The following TENM3 variants were observed in gnomAD, a reference collection of about 807,000 sequenced individuals.
The protein encoded by TENM3 is teneurin-3.
TENM3 carries 63 observed loss-of-function variants against 255.1 expected under a neutral mutation model. The observed-to-expected ratio is 0.25, with a 90% CI of 0.20 to 0.30. The LOEUF (loss-of-function observed/expected upper bound fraction) is 0.30. Among genes scored for constraint, TENM3 ranks in the 10% least tolerant of loss-of-function variants. The pLI, the probability that TENM3 is intolerant of heterozygous loss-of-function variation, is 1.00. For missense variants in TENM3, 2,929 were observed against 3,461.1 expected, an observed-to-expected ratio of 0.85 and a Z score of 3.86; for synonymous variants, 1,306 against 1,322.3, an observed-to-expected ratio of 0.99 and a Z score of 0.27.
At chr4:182,315,975 G>T (rs988994653) in intron 1 of TENM3, among the ~76,000 whole-genome samples, 40 of 152,052 alleles carry the variant, frequency 2.6e-4, no homozygotes, top group African/African-American at 9.6e-4. Context: ...CTAATTTTTT[G>T]ATTGTATGGG....
At chr4:181,649,115 C>T in the TENM3 span, among the ~76,000 whole-genome samples, 1 of 152,168 alleles carries the variant, frequency 6.6e-6, no homozygotes, top group Non-Finnish European at 1.5e-5. Context: ...TCATTTTTAC[C>T]TGCCCCCACC....
intron 18 of TENM3, among the ~76,000 whole-genome samples, chr4:182,739,044 T>C (rs1428677258): frequency 2.0e-5 from 3 of 152,234 alleles, no homozygotes; most frequent in Admixed American, 6.5e-5. Flanking sequence ...ATCTAGATTT[T>C]TTTTTTTCAG....
At chr4:182,607,261 A>G (rs1748520093) in intron 4 of TENM3, among the ~76,000 whole-genome samples, 1 of 152,214 alleles carries the variant, frequency 6.6e-6, no homozygotes, top group African/African-American at 2.4e-5. Flanking sequence ...CATTTGTCTT[A>G]ACTGAGATAT....
Position 182,175,314 on chromosome 4 carries a change from A to AAAATATAT in TENM3, c.-76+30561_-76+30562insAATATATA, listed in dbSNP as rs60217194. Among the ~76,000 whole-genome samples the AAAATATAT allele has an allele frequency of 2.8e-3, 331 of 117,558 alleles. 2 individuals carry two copies. Among genetic ancestry groups the AAAATATAT allele is most frequent in the African/African-American group, 0.01 (304 of 30,068 alleles). The allele number at this position is 117,558 out of a possible 152,430, so 77.1% of individuals were successfully genotyped here. Reference sequence around the variant, plus strand: ...TGCTCTGCTTCATTAAAAAAAAAAAAATATATATATATATATATATACACA... The same window carrying AAAATATAT: ...TGCTCTGCTTCATTAAAAAAAAAAAAAAATATATATATATATATATATATATATACACA... On this transcript the variant is annotated intron_variant, in intron 1 of 2. Coordinates refer to the TENM3 transcript ENST00000512480.
the TENM3 span, among the ~76,000 whole-genome samples, chr4:181,963,243 C>T: frequency 6.6e-6 from 1 of 152,140 alleles, no homozygotes; most frequent in Admixed American, 6.6e-5. Context: ...CAAAATAATG[C>T]TATATGTCAG....
chr4:182,251,122 C>T (rs985825880), intron 1 of TENM3, among the ~76,000 whole-genome samples: 2 of 152,094 alleles, frequency 1.3e-5, no homozygotes, highest in African/African-American at 4.8e-5. Context: ...ATTTTGAGGT[C>T]TGGATTTCCA....
chr4:182,040,063 GCA>G, the TENM3 span, among the ~76,000 whole-genome samples: 1 of 3,198 alleles, frequency 3.1e-4, no homozygotes, highest in Non-Finnish European at 5.9e-4. Context: ...GGAGGGGAGG[GCA>G]GAAGAGGGCA....
chr4:182,104,845 G>T, the TENM3 span, among the ~76,000 whole-genome samples: 3 of 152,012 alleles, frequency 2.0e-5, no homozygotes, highest in Non-Finnish European at 4.4e-5. Flanking sequence ...TGTAGGTCAG[G>T]TTATTTTCTC....
intron 12 of TENM3, among the ~76,000 whole-genome samples, chr4:182,694,170 T>TA (rs1453402680): frequency 2.6e-5 from 4 of 152,066 alleles, no homozygotes; most frequent in Admixed American, 1.3e-4. Flanking sequence ...ACTGCGGTGA[T>TA]ACGGTCACGG....
the TENM3 span, among the ~76,000 whole-genome samples, chr4:182,093,831 C>T: frequency 2.6e-5 from 4 of 152,072 alleles, no homozygotes; most frequent in Non-Finnish European, 4.4e-5. Flanking sequence ...ATGTCAGGGG[C>T]CCACGGTACT....
chr4:181,879,545 C>T, the TENM3 span, among the ~76,000 whole-genome samples: 1 of 152,166 alleles, frequency 6.6e-6, no homozygotes, highest in Non-Finnish European at 1.5e-5. Context: ...ACTGACACTG[C>T]TCGTAATCTC....
intron 3 of TENM3, among the ~76,000 whole-genome samples, chr4:182,525,028 T>C (rs1019715973): frequency 4.6e-5 from 7 of 151,838 alleles, no homozygotes; most frequent in Non-Finnish European, 8.8e-5. Flanking sequence ...AGACCCTGTC[T>C]CAACAACAAC....
intron 3 of TENM3, among the ~76,000 whole-genome samples, chr4:182,394,884 C>T (rs1325221422): frequency 2.0e-5 from 3 of 152,122 alleles, no homozygotes; most frequent in South Asian, 2.1e-4. Flanking sequence ...TAAAAAATGC[C>T]GTACAGGCCA....
At chr4:182,194,140 C>G (rs1384135166) in intron 1 of TENM3, among the ~76,000 whole-genome samples, 2 of 152,050 alleles carry the variant, frequency 1.3e-5, no homozygotes, top group Non-Finnish European at 2.9e-5. Context: ...CTACTTTTGC[C>G]CTGGTGTACT....
intron 1 of TENM3, among the ~76,000 whole-genome samples, chr4:182,294,346 C>G (rs548850639): frequency 6.6e-6 from 1 of 152,198 alleles, no homozygotes; most frequent in East Asian, 1.9e-4. Flanking sequence ...CTAGGGCCAC[C>G]CCACAGCAGC....
the TENM3 span, among the ~76,000 whole-genome samples, chr4:181,456,366 C>A: frequency 1.3e-5 from 2 of 151,678 alleles, no homozygotes; most frequent in African/African-American, 4.8e-5. Flanking sequence ...AGTTCTTAAC[C>A]GATTTGTTCT....
At chr4:181,686,323 A>G in the TENM3 span, among the ~76,000 whole-genome samples, 3 of 152,170 alleles carry the variant, frequency 2.0e-5, no homozygotes, top group African/African-American at 7.2e-5. Flanking sequence ...GTTTCAGAAG[A>G]ATACTTTCGA....
At chr4:182,626,103 C>A (rs1032009594) in intron 4 of TENM3, among the ~76,000 whole-genome samples, 1 of 152,144 alleles carries the variant, frequency 6.6e-6, no homozygotes, top group Non-Finnish European at 1.5e-5. Context: ...TTGTCTATGG[C>A]GGCTTTCACG....
chr4:182,800,187 GGC>G lies in TENM3; in HGVS notation c.7943_7944del (p.Arg2648ProfsTer88). 6.4e-7 allele frequency: 1 copy of G among 1,555,260 alleles called. No individual in the cohort carries two copies. Reference protein sequence around the residue: ...EQQRVRDGEEGARLWTEGEKR... With the variant: ...EQQRVRDGEEXARLWTEGEKR... ...GCAGCGCGTGCGCGACGGCGAGGAG[GGC>G]GCGCGCCTCTGGACGGAGGGCGAGA... On this transcript the variant is annotated frameshift_variant, in exon 28 of 28. Coordinates refer to ENST00000511685, the MANE Select transcript of TENM3 (RefSeq NM_001080477.4). LOFTEE classifies it high-confidence loss of function.
Sources: gnomAD v4.1 joint callset for allele counts (sites outside exome capture counted in the v4.1 genomes callset) on GRCh38, gnomAD v4.1.1 for gene constraint, MANE v1.5 for transcripts, NCBI Gene and HGNC (gene_info 2026-07-23, HGNC 2026-07-21) for gene names.